Variants in COG5 observed in about 807,000 individuals in gnomAD.
The protein encoded by COG5 is conserved oligomeric Golgi complex subunit 5.
A neutral mutation model predicts 110.4 loss-of-function variants in COG5; 86 were observed. The ratio of observed to expected loss-of-function variants is 0.78; its 90% CI spans 0.65 to 0.93. The LOEUF (loss-of-function observed/expected upper bound fraction) is 0.93, where lower values mean the gene tolerates loss of function less well. Ranked by LOEUF, COG5 falls within the 40% of genes least tolerant of loss-of-function variation. The pLI is 0.00. For missense variants in COG5, 1,077 were observed against 987.0 expected, an observed-to-expected ratio of 1.09 and a Z score of -1.22; for synonymous variants, 360 against 334.6, an observed-to-expected ratio of 1.08 and a Z score of -0.83.
At chr7:107,282,822 T>G (rs974760311) in intron 13 of COG5, among the ~76,000 whole-genome samples, 11 of 152,154 alleles carry the variant, frequency 7.2e-5, no homozygotes, top group African/African-American at 2.4e-4. Context: ...CACCTGTGGC[T>G]TTTTAGTCTT....
chr7:107,530,822 C>T (rs1801154000), intron 5 of COG5, among the ~76,000 whole-genome samples: 1 of 152,024 alleles, frequency 6.6e-6, no homozygotes, highest in South Asian at 2.1e-4. Context: ...AATTTCCTTT[C>T]CCTCCCTGTT....
At chr7:107,510,052 T>C (rs972594019) in intron 6 of COG5, among the ~76,000 whole-genome samples, 4 of 152,062 alleles carry the variant, frequency 2.6e-5, no homozygotes, top group Non-Finnish European at 4.4e-5. Context: ...CATAACAATA[T>C]TAACCTTAAA....
At chr7:107,436,324 C>T (rs1794365174) in intron 6 of COG5, among the ~76,000 whole-genome samples, 1 of 152,180 alleles carries the variant, frequency 6.6e-6, no homozygotes, top group South Asian at 2.1e-4. Context: ...AACTTGAAGA[C>T]ATTATGCTAA....
intron 6 of COG5, among the ~76,000 whole-genome samples, chr7:107,459,236 A>C (rs1278626093): frequency 6.6e-6 from 1 of 152,166 alleles, no homozygotes; most frequent in East Asian, 1.9e-4. Flanking sequence ...GTTAAGTTAA[A>C]AGTGAAGGTT....
chr7:107,471,734 G>A (rs1796645437), intron 6 of COG5: 1 of 151,964 alleles, frequency 6.6e-6, no homozygotes, highest in South Asian at 2.1e-4. Context: ...TACTTTATCA[G>A]CACACAAAAG....
intron 14 of COG5, chr7:107,258,641 G>C (rs1423514858): frequency 1.9e-6 from 1 of 514,810 alleles, no homozygotes; most frequent in Non-Finnish European, 3.5e-6. Flanking sequence ...GGGAAGAACA[G>C]CTCCATTTAT....
chr7:107,324,459 T>C lies in COG5; in HGVS notation c.1089A>G (p.Gln363=), dbSNP rs1364467470. 1.2e-6 allele frequency: 2 copies of C among 1,600,694 alleles called. No homozygotes were observed. Among genetic ancestry groups the C allele is most frequent in the South Asian group, 1.1e-5 (1 of 88,750 alleles). Residue 363 remains glutamine, a synonymous_variant, in exon 11 of 22, where the codon CAA becomes CAG. Coordinates refer to ENST00000297135, the MANE Select transcript of COG5 (RefSeq NM_006348.5). Reference sequence around the variant, plus strand: ...ACTTACAGTTTGTTGCCATATGAAATTGAGAAGAAAGTGCCTGAGTAACTG... The same window carrying C: ...ACTTACAGTTTGTTGCCATATGAAACTGAGAAGAAAGTGCCTGAGTAACTG... The part of the protein sequence containing the change: ...WNSVTQALSS[Q]FHMATNSSMF...
chr7:107,244,731 C>T (rs1472172303), intron 17 of COG5, among the ~76,000 whole-genome samples: 1 of 152,132 alleles, frequency 6.6e-6, no homozygotes, highest in Admixed American at 6.5e-5. Flanking sequence ...CACATACACT[C>T]TCCCAAGACC....
At chr7:107,561,293 T>C (rs1177321751) in intron 1 of COG5, among the ~76,000 whole-genome samples, 1 of 152,210 alleles carries the variant, frequency 6.6e-6, no homozygotes, top group East Asian at 1.9e-4. Context: ...ACTCTGTCAT[T>C]GGCCAAATCC....
chr7:107,389,493 C>T (rs1376833345), intron 7 of COG5, among the ~76,000 whole-genome samples: 3 of 152,182 alleles, frequency 2.0e-5, no homozygotes, highest in Non-Finnish European at 2.9e-5. Flanking sequence ...CTGCAGGTGG[C>T]CTCAAACCAG....
At chr7:107,222,948 G>A (rs958111210) in intron 19 of COG5, among the ~76,000 whole-genome samples, 1 of 152,098 alleles carries the variant, frequency 6.6e-6, no homozygotes. Flanking sequence ...TCATAGCTAT[G>A]CAGCTGTCAG....
At chr7:107,401,274 GA>G (rs1330992112) in intron 7 of COG5, among the ~76,000 whole-genome samples, 1 of 151,592 alleles carries the variant, frequency 6.6e-6, no homozygotes, top group African/African-American at 2.4e-5. Flanking sequence ...AAGCTTTAGA[GA>G]AAAAAAATTT....
At chr7:107,382,163 C>T (rs1299804893) in intron 7 of COG5, among the ~76,000 whole-genome samples, 3 of 152,160 alleles carry the variant, frequency 2.0e-5, no homozygotes, top group Non-Finnish European at 4.4e-5. Context: ...GTACAGGGTT[C>T]CTGACCTGTG....
intron 5 of COG5, among the ~76,000 whole-genome samples, chr7:107,532,666 A>G (rs1288077915): frequency 6.6e-6 from 1 of 152,182 alleles, no homozygotes; most frequent in Admixed American, 6.5e-5. Flanking sequence ...AAATATAAAC[A>G]GTATATAATT....
At chr7:107,289,280 A>G (rs963464064) in intron 12 of COG5, among the ~76,000 whole-genome samples, 3 of 152,090 alleles carry the variant, frequency 2.0e-5, no homozygotes, top group Admixed American at 2.0e-4. Context: ...TTCTTTCTCG[A>G]TTGAAAGAAT....
chr7:107,255,493 C>T (rs1802817192), intron 16 of COG5, among the ~76,000 whole-genome samples: 1 of 152,000 alleles, frequency 6.6e-6, no homozygotes, highest in Admixed American at 6.6e-5. Context: ...TTAGAAGCTC[C>T]CTTCCCCTTT....
chr7:107,265,173 A>C (rs1360671657), intron 14 of COG5, among the ~76,000 whole-genome samples: 1 of 152,226 alleles, frequency 6.6e-6, no homozygotes, highest in Non-Finnish European at 1.5e-5. Context: ...CGACAAGATA[A>C]ACTGCTTTGG....
intron 6 of COG5, among the ~76,000 whole-genome samples, chr7:107,510,598 C>CTT (rs1799425546): frequency 6.6e-6 from 1 of 152,178 alleles, no homozygotes; most frequent in African/African-American, 2.4e-5. Flanking sequence ...AATATACATT[C>CTT]TTTTCAGCAC....
chr7:107,500,772 G>C (rs1370678816), intron 6 of COG5, among the ~76,000 whole-genome samples: 1 of 152,090 alleles, frequency 6.6e-6, no homozygotes, highest in Non-Finnish European at 1.5e-5. Flanking sequence ...CATCAAAAGA[G>C]ATTTCAAATC....
Sources: allele counts gnomAD v4.1 joint callset (sites outside exome capture counted in the v4.1 genomes callset), GRCh38; gene constraint gnomAD v4.1.1; transcripts MANE v1.5; gene names NCBI Gene and HGNC (gene_info 2026-07-23, HGNC 2026-07-21).